PPP6R3: variants seen among roughly 807,000 people sequenced by gnomAD.
The protein encoded by PPP6R3 is serine/threonine-protein phosphatase 6 regulatory subunit 3.
Under a neutral mutation model 110.7 loss-of-function variants are expected in PPP6R3, and 38 were observed. The observed-to-expected ratio is 0.34, with a 90% CI of 0.26 to 0.45. The LOEUF (loss-of-function observed/expected upper bound fraction) is 0.45. PPP6R3 is among the 20% of genes least tolerant of loss of function. The pLI is 1.00. For synonymous variants in PPP6R3, 369 were observed against 373.5 expected (o/e 0.99, Z 0.14); for missense variants, 870 against 1,062.4 (o/e 0.82, Z 2.52).
intron 1 of PPP6R3, among the ~76,000 whole-genome samples, chr11:68,514,656 C>T (rs1268827068): frequency 1.3e-5 from 2 of 150,940 alleles, no homozygotes; most frequent in African/African-American, 2.4e-5. Context: ...GTGATCTCGG[C>T]TCACTGCAAC....
rs775641032 is a variant in PPP6R3 at position 68,569,753 on chromosome 11, G to C, written c.1134G>C (p.Met378Ile). Residue 378 changes from methionine to isoleucine, a missense_variant, in exon 11 of 24, where the codon ATG becomes ATC. Coordinates refer to ENST00000393800, the MANE Select transcript of PPP6R3 (RefSeq NM_001164161.2). ...ATGGTTTTTCTTTTTTGTAGAACAT[G>C]TTCTTCAAGTATACATGGAATAACT... ...ELNSIGVILN[M>I]FFKYTWNNFL... The C allele has an allele frequency of 2.5e-6, 4 of 1,574,708 alleles. No homozygotes were observed. The South Asian group carries it at 4.7e-5, about 18-fold the overall frequency.
chr11:68,547,254 C>T (rs966498370), intron 4 of PPP6R3, among the ~76,000 whole-genome samples: 2 of 152,088 alleles, frequency 1.3e-5, no homozygotes, highest in African/African-American at 4.8e-5. Context: ...TCCAACCCCC[C>T]ACGCCCCAGA....
intron 1 of PPP6R3, among the ~76,000 whole-genome samples, chr11:68,481,805 T>G (rs183387379): frequency 6.6e-6 from 1 of 152,222 alleles, no homozygotes; most frequent in Non-Finnish European, 1.5e-5. Flanking sequence ...TTATTTTGCT[T>G]GCTGAGTCCC....
At chr11:68,531,575 AG>A in intron 2 of PPP6R3, among the ~76,000 whole-genome samples, 1 of 152,082 alleles carries the variant, frequency 6.6e-6, no homozygotes, top group East Asian at 1.9e-4. Flanking sequence ...TACAGACGTG[AG>A]CCACCATGCC....
intron 12 of PPP6R3, 116 bp downstream of exon 12, chr11:68,571,220 A>G: frequency 7.7e-7 from 1 of 1,302,478 alleles, no homozygotes; most frequent in Admixed American, 3.5e-5. Flanking sequence ...TGGCCATTTT[A>G]CAATTTAAAC....
At chr11:68,482,769 CTGT>C (rs1201806397) in intron 1 of PPP6R3, among the ~76,000 whole-genome samples, 1 of 152,014 alleles carries the variant, frequency 6.6e-6, no homozygotes, top group African/African-American at 2.4e-5. Flanking sequence ...TTTCCATCTT[CTGT>C]TGTTACTGGT....
chr11:68,501,763 A>G (rs950020997), intron 1 of PPP6R3, among the ~76,000 whole-genome samples: 27 of 152,252 alleles, frequency 1.8e-4, no homozygotes, highest in Admixed American at 8.5e-4. Context: ...TTATAAGTGA[A>G]TGTATGTAAA....
intron 1 of PPP6R3, among the ~76,000 whole-genome samples, chr11:68,466,320 C>T (rs889823638): frequency 1.8e-4 from 28 of 151,938 alleles, no homozygotes; most frequent in Middle Eastern, 3.4e-3. Context: ...TGAAAGATTA[C>T]AGACTGACAT....
At chr11:68,595,452 G>C (rs899624141) in intron 18 of PPP6R3, among the ~76,000 whole-genome samples, 1 of 152,040 alleles carries the variant, frequency 6.6e-6, no homozygotes, top group Non-Finnish European at 1.5e-5. Context: ...CTGACCTCAG[G>C]TGGTCTGCCC....
At position 68,615,098 on chromosome 11, in the gene PPP6R3, T is replaced by G; in HGVS notation, c.*1981T>G. On this transcript the variant is annotated 3_prime_UTR_variant, in exon 24 of 24. Transcript: ENST00000393800. ...GGAGAGAGCCTCTGGGACTTTTCTT[T>G]GGGGCATCATTTTGTTTTGTCTTTC... 2.2e-6 allele frequency: 1 copy of G among 464,132 alleles called. No individual in the cohort carries two copies. The highest frequency in any genetic ancestry group is 4.3e-6 in the Non-Finnish European group (1 of 232,332). 28.8% of individuals were successfully genotyped at this position (464,132 alleles called of 1,614,324 possible). A position where few individuals can be genotyped will look rare whatever the true frequency, so the allele number is the denominator to read the frequency against.
Position 68,591,720 on chromosome 11 carries a change from G to A in PPP6R3, c.1916+14G>A. On this transcript the variant is annotated intron_variant, in intron 18 of 23. Transcript: ENST00000393800. ...AAGACGATCCAGGTGAAAGATAGTT[G>A]GTTATAGTTGTAATTATAGCCAACC... The A allele has an allele frequency of 6.2e-7, 1 of 1,601,928 alleles. No individual in the cohort carries two copies. Among genetic ancestry groups the A allele is most frequent in the East Asian group, 2.2e-5 (1 of 44,552 alleles).
chr11:68,523,341 T>C (rs976527533), intron 2 of PPP6R3, among the ~76,000 whole-genome samples: 9 of 152,190 alleles, frequency 5.9e-5, no homozygotes, highest in Non-Finnish European at 2.9e-5. Context: ...CTGGGAGTCG[T>C]CTATCTCTTG....
intron 22 of PPP6R3, among the ~76,000 whole-genome samples, chr11:68,607,916 G>T (rs186552715): frequency 1.3e-5 from 2 of 152,000 alleles, no homozygotes; most frequent in East Asian, 3.9e-4. Flanking sequence ...TGGAACTACA[G>T]TTGTGTGCCA....
Position 68,548,171 on chromosome 11 carries a change from C to T in PPP6R3, c.519C>T (p.Ile173=), listed in dbSNP as rs752092716. Residue 173 remains isoleucine (I), a synonymous_variant, in exon 5 of 24, where the codon ATC becomes ATT. Transcript: ENST00000393800. ...TGTTGCTCAGGCTCCTGACGTGTAT[C>T]GAACCTCCACAGCCCAGGCAAGATG... ...MDLLLRLLTC[I]EPPQPRQDVL... 28 of 1,614,152 alleles carry T rather than the reference C, an allele frequency of 1.7e-5. No individual in the cohort carries two copies. The highest frequency in any genetic ancestry group is 1.9e-5 in the Non-Finnish European group (23 of 1,180,014).
At chr11:68,485,084 C>T (rs923756431) in intron 1 of PPP6R3, among the ~76,000 whole-genome samples, 1 of 151,854 alleles carries the variant, frequency 6.6e-6, no homozygotes, top group African/African-American at 2.4e-5. Flanking sequence ...TATAGTTTTC[C>T]TTATATAGAT....
chr11:68,545,196 G>A (rs2099344731), intron 4 of PPP6R3, among the ~76,000 whole-genome samples, 172 bp downstream of exon 4: 1 of 152,162 alleles, frequency 6.6e-6, no homozygotes, highest in Admixed American at 6.5e-5. Context: ...GTATGTTAAT[G>A]AATATTTCTA....
intron 2 of PPP6R3, among the ~76,000 whole-genome samples, chr11:68,530,004 G>C (rs948376043): frequency 3.3e-5 from 5 of 152,212 alleles, no homozygotes; most frequent in African/African-American, 1.2e-4. Context: ...TTGAAATTGA[G>C]AGGTACTGTG....
chr11:68,496,816 A>G (rs1481351194), intron 1 of PPP6R3, among the ~76,000 whole-genome samples: 1 of 146,028 alleles, frequency 6.8e-6, no homozygotes, highest in Non-Finnish European at 1.5e-5. Flanking sequence ...CTTTATTACT[A>G]AGTTGTAGGA....
chr11:68,485,857 G>A (rs1013280102), intron 1 of PPP6R3, among the ~76,000 whole-genome samples: 1 of 151,958 alleles, frequency 6.6e-6, no homozygotes, highest in African/African-American at 2.4e-5. Context: ...ATCATGCCCG[G>A]CGACAGATTT....
Sources: allele counts gnomAD v4.1 joint callset (sites outside exome capture counted in the v4.1 genomes callset), GRCh38; gene constraint gnomAD v4.1.1; transcripts MANE v1.5; gene names NCBI Gene and HGNC (gene_info 2026-07-23, HGNC 2026-07-21).